Variants in DNAH1 observed in about 807,000 individuals in gnomAD.
The protein encoded by DNAH1 is axonemal beta dynein heavy chain 1.
In DNAH1, 327 loss-of-function variants were observed where a neutral mutation model predicts 484.3. The ratio of observed to expected loss-of-function variants is 0.68; its 90% CI spans 0.62 to 0.74. The LOEUF (loss-of-function observed/expected upper bound fraction) is 0.74, where lower values mean the gene tolerates loss of function less well. Ranked by LOEUF, DNAH1 falls within the 30% of genes least tolerant of loss-of-function variation. The pLI, the probability that DNAH1 is intolerant of heterozygous loss-of-function variation, is 0.00. For synonymous variants in DNAH1, 2,192 were observed against 2,191.9 expected (o/e 1.00, Z 0.00); for missense variants, 5,052 against 5,546.8 (o/e 0.91, Z 2.83).
rs139965253 is a variant in DNAH1 at position 52,360,217 on chromosome 3, C to T, written c.4572-94C>T. ...AGCTGGGTATGGGTACCTTAATGCC[C>T]TCATTCCCAAAAAGAACCCTCTCTC... On this transcript the variant is annotated intron_variant, in intron 27 of 77. Coordinates refer to ENST00000420323, the MANE Select transcript of DNAH1 (RefSeq NM_015512.5). The T allele has an allele frequency of 1.5e-4, 218 of 1,494,374 alleles. No homozygotes were observed. The East Asian group carries it at 4.5e-3, about 31-fold the overall frequency. The allele number at this position is 1,494,374 out of a possible 1,614,324, so 92.6% of individuals were successfully genotyped here.
rs1702720604 is a variant in DNAH1 at position 52,358,668 on chromosome 3, G to A, written c.4197G>A (p.Arg1399=). The A allele has an allele frequency of 6.2e-6, 10 of 1,613,182 alleles. No individual in the cohort carries two copies. The highest frequency in any genetic ancestry group is 8.5e-6 in the Non-Finnish European group (10 of 1,179,788). Residue 1399 remains arginine, a synonymous_variant, in exon 25 of 78, where the codon CGG becomes CGA. Transcript: ENST00000420323. This position sits in a 1 kb window ranked among gnomAD's most constrained non-coding sequence, Gnocchi z 4.2. ...CCAGCAACGTGGAGGACTGGCTGCGGGAGGTGGAGCGCAGCATGAAGGCCA... is the reference window on the plus strand; with the variant it reads ...CCAGCAACGTGGAGGACTGGCTGCGAGAGGTGGAGCGCAGCATGAAGGCCA... ...YPSSNVEDWL[R]EVERSMKASV...
At chr3:52,388,383 C>T (rs1445994569) in intron 57 of DNAH1, 35 bp from the exon 58 acceptor site, 1 of 1,602,448 alleles carries the variant, frequency 6.2e-7, no homozygotes, top group Non-Finnish European at 8.5e-7. Flanking sequence ...CCCGGGGGTA[C>T]TTGGCGAGCT....
In DNAH1 at chr3:52,346,484, C is replaced by T; in HGVS notation, c.1669C>T (p.Leu557Phe). 6.2e-7 allele frequency: 1 copy of T among 1,610,636 alleles called. No homozygotes were observed. Among genetic ancestry groups the T allele is most frequent in the South Asian group, 1.1e-5 (1 of 90,500 alleles). ...SQTFSQVQMF[L>F]KDSWISSLKV... ...GTGGCCACTCTAGGTGCAGATGTTCCTCAAGGACAGCTGGATCAGCTCGCT... is the reference window on the plus strand; with the variant it reads ...GTGGCCACTCTAGGTGCAGATGTTCTTCAAGGACAGCTGGATCAGCTCGCT... The change falls in exon 11 of 78, where the codon CTC (leucine) becomes TTC (phenylalanine). Residue 557 changes from leucine (L) to phenylalanine (F), a missense_variant. Coordinates refer to ENST00000420323, the MANE Select transcript of DNAH1 (RefSeq NM_015512.5).
In DNAH1 at chr3:52,388,512, C is replaced by T. The variant is rs1233422017; in HGVS notation, c.9266C>T (p.Ala3089Val). 1 of 1,612,812 alleles carries T rather than the reference C, an allele frequency of 6.2e-7. No individual in the cohort carries two copies. Among genetic ancestry groups the T allele is most frequent in the South Asian group, 1.1e-5 (1 of 90,822 alleles). Residue 3089 changes from alanine to valine, a missense_variant, in exon 58 of 78, where the codon GCC becomes GTC. By Grantham distance (64) the Ala-to-Val change is moderately conservative. Transcript: ENST00000420323. ...QRLREVEDGI[A>V]TMQAKYRECI... is the part of the protein sequence containing the mutation. Reference sequence around the variant, plus strand: ...CTTCGTGAGGTGGAGGACGGCATCGCCACAATGCAGGCTAAGTACCGGGAA... The same window carrying T: ...CTTCGTGAGGTGGAGGACGGCATCGTCACAATGCAGGCTAAGTACCGGGAA...
chr3:52,375,547 C>A, intron 45 of DNAH1, 134 bp downstream of exon 45: 1 of 938,688 alleles, frequency 1.1e-6, no homozygotes, highest in Non-Finnish European at 1.6e-6. Context: ...TCACCTCTCA[C>A]TCAGCTGTGT....
intron 11 of DNAH1, 103 bp from the exon 12 acceptor site, chr3:52,347,721 G>A: frequency 7.4e-7 from 1 of 1,343,692 alleles, no homozygotes; most frequent in Non-Finnish European, 9.9e-7. Flanking sequence ...TATTGTGCAT[G>A]GAGAGGCTCA....
At chr3:52,366,668 T>G (rs1703088853) in intron 35 of DNAH1, 65 bp from the exon 36 acceptor site, 22 of 1,124,792 alleles carry the variant, frequency 2.0e-5, no homozygotes, top group East Asian at 2.9e-5. Flanking sequence ...CCCCCTCCCC[T>G]TGGCCCCCAG....
rs1703735757 is a variant in DNAH1, at chr3:52,379,247, G to A, written c.7377+467G>A. 6.6e-6 allele frequency among the ~76,000 whole-genome samples: 1 copy of A among 152,172 alleles called. No homozygotes were observed. The highest frequency in any genetic ancestry group is 2.1e-4 in the South Asian group (1 of 4,832). ...TGTAATGAGCCGTGTGGGTGGGCGG[G>A]GGACAGACCTGCACTTTGGAATGGG... On this transcript the variant is annotated intron_variant, in intron 47 of 77. Transcript: ENST00000420323. This position sits in a 1 kb window ranked among gnomAD's most constrained non-coding sequence, Gnocchi z 4.4.
rs1457629087 is a variant in DNAH1 at position 52,358,542 on chromosome 3, C to T, written c.4087-16C>T. On this transcript the variant is annotated splice_polypyrimidine_tract_variant and intron_variant, in intron 24 of 77. Transcript: ENST00000420323. The surrounding 1 kb of genome is among the most constrained non-coding windows in gnomAD (Gnocchi z 4.2). ...ACACCAGGGTGACCCCACTCCTGCT[C>T]CTCCACTGCTTGCAGCTGCTATTCC... is the stretch of plus-strand genomic sequence containing the variant. 4 of 1,594,222 alleles carry T rather than the reference C, an allele frequency of 2.5e-6. No individual in the cohort carries two copies. The highest frequency in any genetic ancestry group is 2.3e-5 in the East Asian group (1 of 43,834).
rs544642625 is a variant in DNAH1 at position 52,386,533 on chromosome 3, G to A, written c.8812-129G>A. 3.0e-4 allele frequency: 387 copies of A among 1,283,308 alleles called. No homozygotes were observed. The highest frequency in any genetic ancestry group is 7.7e-4 in the South Asian group (49 of 64,008). 79.5% of individuals were successfully genotyped at this position (1,283,308 alleles called of 1,614,324 possible). ...CTGTGGGCTGAGGCCAACCTCGGTG[G>A]ATCTCTGGATATGCCCGTGTCCTGT... is the stretch of plus-strand genomic sequence containing the variant. On this transcript the variant is annotated intron_variant, in intron 55 of 77. Coordinates refer to ENST00000420323, the MANE Select transcript of DNAH1 (RefSeq NM_015512.5).
intron 60 of DNAH1, 77 bp from the exon 61 acceptor site, chr3:52,390,858 G>T (rs570813244): frequency 6.5e-7 from 1 of 1,541,338 alleles, no homozygotes; most frequent in African/African-American, 1.4e-5. Context: ...GAAACACGAG[G>T]CCGGGAGATG....
intron 77 of DNAH1, 72 bp from the exon 78 acceptor site, chr3:52,400,253 C>T: frequency 1.9e-6 from 3 of 1,591,504 alleles, no homozygotes; most frequent in South Asian, 2.3e-5. Context: ...TGCCCACTGC[C>T]CTGCCCCTAC....
At chr3:52,374,536 C>T in intron 44 of DNAH1, 1 of 1,496,248 alleles carries the variant, frequency 6.7e-7, no homozygotes, top group Non-Finnish European at 9.3e-7. Flanking sequence ...ACCATGGAGC[C>T]CCTCTTCCGG....
rs779623553 is a variant in DNAH1, at chr3:52,353,299, C to T, written c.3224C>T (p.Pro1075Leu). The change falls in exon 19 of 78, where the codon CCA (proline) becomes CTA (leucine). Residue 1075 changes from proline to leucine, a missense_variant and splice_region_variant. Pro to Leu is a moderately conservative substitution (Grantham distance 98). This residue lies in a region of DNAH1 where 2,929 missense variants were observed against 3,409.4 expected (regional missense o/e 0.86). Transcript: ENST00000420323. The surrounding 1 kb of genome is among the most constrained non-coding windows in gnomAD (Gnocchi z 5.0). ...TGCGTGAAGCAGTTTAAGGACATGC[C>T]AGGTAGGGAGCCAAGCCGGCCAATC... is the stretch of plus-strand genomic sequence containing the variant. ...HKCVKQFKDM[P>L]ACQEVALDIR... 1.2e-6 allele frequency: 2 copies of T among 1,612,342 alleles called. No individual in the cohort carries two copies. Among genetic ancestry groups the T allele is most frequent in the Non-Finnish European group, 1.7e-6 (2 of 1,178,784 alleles).
chr3:52,357,007 G>GT (rs145402902), intron 22 of DNAH1, among the ~76,000 whole-genome samples: 147 of 138,540 alleles, frequency 1.1e-3, no homozygotes, highest in Admixed American at 4.3e-3. Context: ...CCATATTAAC[G>GT]TTTTTTTTTT....
At chr3:52,331,048 T>C in intron 6 of DNAH1, 100 bp from the exon 7 acceptor site, 1 of 1,383,998 alleles carries the variant, frequency 7.2e-7, no homozygotes, top group African/African-American at 1.5e-5. Context: ...GCCAGACTGG[T>C]GATCTCTGAG....
intron 56 of DNAH1, among the ~76,000 whole-genome samples, chr3:52,387,887 A>G (rs1030382275): frequency 1.3e-5 from 2 of 152,034 alleles, no homozygotes; most frequent in Admixed American, 1.3e-4. Context: ...CCTTTAAATG[A>G]GCTTTTAAGT....
Position 52,353,890 on chromosome 3 carries a change from T to C in DNAH1, c.3480+257T>C. The C allele has an allele frequency of 2.0e-6, 1 of 500,852 alleles. No homozygotes were observed. Among genetic ancestry groups the C allele is most frequent in the Non-Finnish European group, 3.6e-6 (1 of 279,230 alleles). The allele number at this position is 500,852 out of a possible 1,614,324, so 31.0% of individuals were successfully genotyped here. A position where few individuals can be genotyped will look rare whatever the true frequency, so the allele number is the denominator to read the frequency against. ...CAGGAAGGAGCTAATAGCATTAGCC[T>C]CAATTTAACAGATGTGTCAGGCCGG... On this transcript the variant is annotated intron_variant, in intron 20 of 77. Transcript: ENST00000420323. This position sits in a 1 kb window ranked among gnomAD's most constrained non-coding sequence, Gnocchi z 5.0.
chr3:52,312,770 A>G (rs566546448), upstream of DNAH1, among the ~76,000 whole-genome samples: 2 of 152,224 alleles, frequency 1.3e-5, no homozygotes, highest in Non-Finnish European at 2.9e-5. Flanking sequence ...CTCTTGCCTC[A>G]GCCTCCCGAG....
Sources: allele counts gnomAD v4.1 joint callset (sites outside exome capture counted in the v4.1 genomes callset), GRCh38; gene constraint gnomAD v4.1.1; regional missense constraint gnomAD v4.1.1; non-coding constraint Gnocchi (gnomAD v3.1); transcripts MANE v1.5; gene names NCBI Gene and HGNC (gene_info 2026-07-23, HGNC 2026-07-21).